The following ST3GAL2 variants were observed in gnomAD, a reference collection of about 807,000 sequenced individuals.
The protein encoded by ST3GAL2 is ST3 beta-galactoside alpha-2,3-sialyltransferase 2.
In ST3GAL2, 16 loss-of-function variants were observed where a neutral mutation model predicts 37.5. The ratio of observed to expected loss-of-function variants is 0.43; its 90% confidence interval spans 0.29 to 0.65. ST3GAL2 has a LOEUF of 0.65. Ranked by LOEUF, ST3GAL2 falls within the 30% of genes least tolerant of loss-of-function variation. The pLI, the probability that ST3GAL2 is intolerant of heterozygous loss-of-function variation, is 0.17. For missense variants in ST3GAL2, 383 were observed against 487.8 expected (o/e 0.79, Z 2.02); for synonymous variants, 238 against 202.9 (o/e 1.17, Z -1.47).
chr16:70,378,114 G>T lies in ST3GAL2; in HGVS notation c.*3575C>A, dbSNP rs1175719471. The T allele has an allele frequency of 6.6e-6, 1 of 152,174 alleles. No homozygotes were observed. The highest frequency in any genetic ancestry group is 1.5e-5 in the Non-Finnish European group (1 of 68,032). 9.4% of individuals were successfully genotyped at this position (152,174 alleles called of 1,614,324 possible). On this transcript the variant is annotated 3_prime_UTR_variant, in exon 7 of 7. Coordinates refer to ENST00000342907, the MANE Select transcript of ST3GAL2 (RefSeq NM_006927.4). ...CCCATTTTAGCAATAAAGGGAAGTA[G>T]AATGATATTTATAGGAGTTTTAAAA...
intron 1 of ST3GAL2, among the ~76,000 whole-genome samples, chr16:70,428,877 A>C (rs970499592): frequency 1.1e-4 from 16 of 152,060 alleles, no homozygotes; most frequent in Non-Finnish European, 2.1e-4. Context: ...TTGGGGAAAA[A>C]CCTGGCTAGA....
intron 4 of ST3GAL2, among the ~76,000 whole-genome samples, chr16:70,387,538 G>C (rs1467328152): frequency 6.6e-6 from 1 of 151,886 alleles, no homozygotes; most frequent in Non-Finnish European, 1.5e-5. Flanking sequence ...CTGGGTAAGA[G>C]AGTGAGACTC....
At chr16:70,410,306 A>G (rs1339604328) in intron 1 of ST3GAL2, among the ~76,000 whole-genome samples, 1 of 111,968 alleles carries the variant, frequency 8.9e-6, no homozygotes, top group African/African-American at 3.5e-5. Context: ...GCTGGAGTGC[A>G]GTGGCTTGAT....
Position 70,398,337 on chromosome 16 carries a change from A to C in ST3GAL2, c.194T>G (p.Leu65Arg), listed in dbSNP as rs758706768. The change falls in exon 2 of 7, where the codon CTC (leucine) becomes CGC (arginine). Residue 65 changes from leucine (L) to arginine (R), a missense_variant. By Grantham distance (102) the Leu-to-Arg change is moderately radical. Transcript: ENST00000342907. ...AGLQRLSKER[L>R]SGKSCACRRC... is the part of the protein sequence containing the mutation. ...GCGACAGGCACAGCTCTTGCCCGAG[A>C]GCCTCTCCTTGCTGAGGCGCTGCAG... 104 of 1,613,368 alleles carry C rather than the reference A, an allele frequency of 6.4e-5. No homozygotes were observed. In the South Asian group the frequency reaches 7.7e-4, roughly 12 times the overall value.
rs372910160 is a variant in ST3GAL2 at position 70,405,494 on chromosome 16, T to C, written c.-1003-5961A>G. 9.3e-4 allele frequency among the ~76,000 whole-genome samples: 130 copies of C among 140,466 alleles called. 2 individuals carry two copies. The highest frequency in any genetic ancestry group is 3.2e-3 in the African/African-American group (117 of 36,344). The allele number at this position is 140,466 out of a possible 152,430, so 92.2% of individuals were successfully genotyped here. On this transcript the variant is annotated intron_variant, in intron 1 of 6. Transcript: ENST00000342907. ...AGGCGGAGCTTGCAGTGAGCCGAGA[T>C]TGCGCCACTGCACTCCAGCCTGGGT... is the stretch of plus-strand genomic sequence containing the variant.
chr16:70,403,483 A>G (rs2047569303), intron 1 of ST3GAL2, among the ~76,000 whole-genome samples: 1 of 152,004 alleles, frequency 6.6e-6, no homozygotes, highest in Non-Finnish European at 1.5e-5. Context: ...GGAGTTTGAG[A>G]CCAGCCTGGG....
chr16:70,400,106 T>C (rs1354564613), intron 1 of ST3GAL2: 2 of 152,574 alleles, frequency 1.3e-5, no homozygotes, highest in African/African-American at 4.8e-5. Flanking sequence ...GGAGGTGTGG[T>C]TGCTGGGCTT....
In ST3GAL2 at chr16:70,405,212, G is replaced by A. The variant is rs1490178998; in HGVS notation, c.-1003-5679C>T. On this transcript the variant is annotated intron_variant, in intron 1 of 6. Transcript: ENST00000342907. ...GGAATCAAGTTCTGGCACTGCTACA[G>A]CATGGATGAACTTGAAAACCCTGTG... 2.6e-5 allele frequency among the ~76,000 whole-genome samples: 4 copies of A among 152,172 alleles called. No homozygotes were observed. In the East Asian group the frequency reaches 5.8e-4, roughly 22 times the overall value.
At chr16:70,392,107 G>A (rs188478403) in intron 3 of ST3GAL2, among the ~76,000 whole-genome samples, 123 of 152,308 alleles carry the variant, frequency 8.1e-4, no homozygotes, top group African/African-American at 2.9e-3. Flanking sequence ...TGCCTCCAGC[G>A]CCTGTGGCTG....
chr16:70,409,797 C>G (rs2047623447), intron 1 of ST3GAL2, among the ~76,000 whole-genome samples: 1 of 150,218 alleles, frequency 6.7e-6, no homozygotes, highest in African/African-American at 2.5e-5. Context: ...GCCACCAGAC[C>G]TGGCTAAATT....
At position 70,376,105 on chromosome 16, in the gene ST3GAL2, C is replaced by T. The variant is rs1177176377; in HGVS notation, c.*5584G>A. The T allele has an allele frequency of 6.6e-6, 1 of 152,230 alleles. No homozygotes were observed. Among genetic ancestry groups the T allele is most frequent in the African/African-American group, 2.4e-5 (1 of 41,464 alleles). The allele number at this position is 152,230 out of a possible 1,614,324, so 9.4% of individuals were successfully genotyped here. On this transcript the variant is annotated 3_prime_UTR_variant, in exon 7 of 7. Transcript: ENST00000342907. ...ACAGGAAGCACCGTGGAGACGCAGCCCAGGGGACTGCCATGGCCCTGCGAA... is the reference window on the plus strand; with the variant it reads ...ACAGGAAGCACCGTGGAGACGCAGCTCAGGGGACTGCCATGGCCCTGCGAA...
chr16:70,408,815 A>ACTGTCAGT, intron 1 of ST3GAL2, among the ~76,000 whole-genome samples: 1 of 149,594 alleles, frequency 6.7e-6, no homozygotes, highest in Admixed American at 6.7e-5. Flanking sequence ...AGAGAAATAA[A>ACTGTCAGT]CTGTCAGTCT....
At position 70,381,826 on chromosome 16, in the gene ST3GAL2, T is replaced by C. The variant is rs773296076; in HGVS notation, c.916A>G (p.Asn306Asp). The C allele has an allele frequency of 6.2e-7, 1 of 1,614,018 alleles. No individual in the cohort carries two copies. Among genetic ancestry groups the C allele is most frequent in the Non-Finnish European group, 8.5e-7 (1 of 1,179,940 alleles). The change falls in exon 7 of 7, where the codon AAC becomes GAC. Residue 306 changes from asparagine (N) to aspartate (D), a missense_variant. Around this residue, in one of 2 missense-constraint regions of ST3GAL2, gnomAD observed 160 missense variants for 248.6 expected, o/e 0.64. Transcript: ENST00000342907. ...TTGTTCTCCCAGTAGTGGTGCCAGT[T>C]GCCCCGGCTGTCGGCCCCGAACCCG... ...VYGFGADSRGNWHHYWENNRY... is the reference protein window; with the variant it reads ...VYGFGADSRGDWHHYWENNRY...
chr16:70,437,505 C>G (rs546654872), intron 1 of ST3GAL2, among the ~76,000 whole-genome samples: 26 of 141,286 alleles, frequency 1.8e-4, no homozygotes, highest in African/African-American at 6.5e-4. Flanking sequence ...CTGCCCCCCC[C>G]GCAAAAAAAA....
intron 3 of ST3GAL2, 86 bp from the exon 4 acceptor site, chr16:70,388,632 A>C: frequency 6.9e-7 from 1 of 1,458,736 alleles, no homozygotes; most frequent in South Asian, 1.4e-5. Context: ...GCCATCCATC[A>C]AAAATGCAAA....
Position 70,399,292 on chromosome 16 carries a change from T to A in ST3GAL2, c.-762A>T, listed in dbSNP as rs1378527777. 1.0e-5 allele frequency: 4 copies of A among 398,854 alleles called. No homozygotes were observed. The highest frequency in any genetic ancestry group is 1.8e-5 in the Non-Finnish European group (4 of 226,248). The allele number at this position is 398,854 out of a possible 1,614,324, so 24.7% of individuals were successfully genotyped here. Reference sequence around the variant, plus strand: ...GGGGTCGCAAAGCTCCTACTGTGGCTGTGGGGTCCTCTGGCGCTGGGAACA... The same window carrying A: ...GGGGTCGCAAAGCTCCTACTGTGGCAGTGGGGTCCTCTGGCGCTGGGAACA... On this transcript the variant is annotated 5_prime_UTR_variant, in exon 2 of 7. Transcript: ENST00000342907.
In ST3GAL2 at chr16:70,427,632, T is replaced by C. The variant is rs544502956; in HGVS notation, c.-1004+11317A>G. ...GATTACAGGCGTGAGCCACTGCGCC[T>C]GGCCAAACCCAGTATTCTTTCTGTA... On this transcript the variant is annotated intron_variant, in intron 1 of 6. Coordinates refer to ENST00000342907, the MANE Select transcript of ST3GAL2 (RefSeq NM_006927.4). Among the ~76,000 whole-genome samples the C allele has an allele frequency of 4.6e-5, 7 of 152,282 alleles. No individual in the cohort carries two copies. In the South Asian group the frequency reaches 6.2e-4, roughly 14 times the overall value.
At chr16:70,418,355 G>C (rs1195059220) in intron 1 of ST3GAL2, among the ~76,000 whole-genome samples, 5 of 152,136 alleles carry the variant, frequency 3.3e-5, no homozygotes, top group Admixed American at 2.0e-4. Context: ...AGGGCTCCTT[G>C]GCTTTGACAG....
At position 70,381,854 on chromosome 16, in the gene ST3GAL2, C is replaced by A. The variant is rs1474945961; in HGVS notation, c.888G>T (p.Val296=). Residue 296 remains valine (V), a synonymous_variant, in exon 7 of 7, where the codon GTG becomes GTT. Coordinates refer to ENST00000342907, the MANE Select transcript of ST3GAL2 (RefSeq NM_006927.4). ...FALHVCDEVN[V]YGFGADSRGN... ...CCCGGCTGTCGGCCCCGAACCCGTA[C>A]ACGTTCACCTGCGGGGAAGCGCAGC... 1 of 1,613,774 alleles carries A rather than the reference C, an allele frequency of 6.2e-7. No homozygotes were observed. The highest frequency in any genetic ancestry group is 2.2e-5 in the East Asian group (1 of 44,870).
Sources: gnomAD v4.1 joint callset for allele counts (sites outside exome capture counted in the v4.1 genomes callset) on GRCh38, gnomAD v4.1.1 for gene constraint, gnomAD v4.1.1 regional missense constraint, MANE v1.5 for transcripts, NCBI Gene and HGNC (gene_info 2026-07-23, HGNC 2026-07-21) for gene names.